Variants in RAD51B observed in about 807,000 individuals in gnomAD.
RAD51B encodes DNA repair protein RAD51 homolog 2.
A neutral mutation model predicts 42.2 loss-of-function variants in RAD51B; 38 were observed. The ratio of observed to expected loss-of-function variants is 0.90; its 90% confidence interval spans 0.70 to 1.18. RAD51B has a LOEUF of 1.18. Ranked by LOEUF, RAD51B falls within the 50% of genes most tolerant of loss-of-function variation. The pLI is 0.00. For synonymous variants in RAD51B, 154 were observed against 145.2 expected, an observed-to-expected ratio of 1.06 and a Z score of -0.43; for missense variants, 373 against 400.7, an observed-to-expected ratio of 0.93 and a Z score of 0.59.
chr14:68,249,576 A>G (rs2080575718), intron 7 of RAD51B, among the ~76,000 whole-genome samples: 1 of 152,218 alleles, frequency 6.6e-6, no homozygotes, highest in African/African-American at 2.4e-5. Context: ...TCAGGAACCC[A>G]CTTGTTATAT....
At chr14:67,954,732 G>T (rs777610221) in intron 7 of RAD51B, among the ~76,000 whole-genome samples, 1 of 152,162 alleles carries the variant, frequency 6.6e-6, no homozygotes, top group African/African-American at 2.4e-5. Flanking sequence ...AGGATCACTA[G>T]GGTCAAGGGA....
chr14:68,123,125 C>T (rs1279915827), intron 7 of RAD51B, among the ~76,000 whole-genome samples: 1 of 151,846 alleles, frequency 6.6e-6, no homozygotes, highest in African/African-American at 2.4e-5. Flanking sequence ...TTTGCCTGTT[C>T]CATAAAAATA....
rs10641411 is a variant in RAD51B, at chr14:68,275,794, C to CCACACACACACA, written c.757-16054_757-16043dup. On this transcript the variant is annotated intron_variant, in intron 7 of 10. Coordinates refer to ENST00000471583, the MANE Select transcript of RAD51B (RefSeq NM_133510.4). ...CTAAATACAGTTTGAAACTAGCTCT[C>CCACACACACACA]CACACACACACACACACACACACAC... Among the ~76,000 whole-genome samples the CCACACACACACA allele has an allele frequency of 6.6e-3, 930 of 141,340 alleles. 4 individuals are homozygous for CCACACACACACA. The highest frequency in any genetic ancestry group is 0.017 in the African/African-American group (651 of 37,656). The allele number at this position is 141,340 out of a possible 152,430, so 92.7% of individuals were successfully genotyped here.
At chr14:68,425,353 T>C (rs983499338) in intron 9 of RAD51B, among the ~76,000 whole-genome samples, 1 of 152,260 alleles carries the variant, frequency 6.6e-6, no homozygotes, top group African/African-American at 2.4e-5. Context: ...TTAATGGCCA[T>C]TATAAACTAT....
chr14:68,338,529 G>A (rs991521800), intron 8 of RAD51B, among the ~76,000 whole-genome samples: 7 of 152,176 alleles, frequency 4.6e-5, no homozygotes, highest in African/African-American at 1.7e-4. Context: ...TGGCACAGGT[G>A]ATATGTCTGC....
intron 7 of RAD51B, among the ~76,000 whole-genome samples, chr14:68,025,177 C>T (rs941479428): frequency 6.6e-6 from 1 of 152,090 alleles, no homozygotes; most frequent in African/African-American, 2.4e-5. Context: ...GCTAGCCTTG[C>T]ATCTCAGGAA....
At chr14:68,616,667 G>A (rs1287346188) in intron 10 of RAD51B, among the ~76,000 whole-genome samples, 3 of 152,010 alleles carry the variant, frequency 2.0e-5, no homozygotes, top group Non-Finnish European at 4.4e-5. Flanking sequence ...CTTGATTTTT[G>A]TCAAAAATTT....
Position 67,870,985 on chromosome 14 carries a change from GA to G in RAD51B, c.452+5849del, listed in dbSNP as rs1272182061. Among the ~76,000 whole-genome samples, 8 of 151,070 alleles carry G rather than the reference GA, an allele frequency of 5.3e-5. No homozygotes were observed. In the East Asian group the frequency reaches 1.4e-3, roughly 26 times the overall value. ...ACTAAATGCCCACAAGAGAAAGCAGGAAAGATCCAAAATTGACAGCCTAACA... is the reference window on the plus strand; with the variant it reads ...ACTAAATGCCCACAAGAGAAAGCAGGAAGATCCAAAATTGACAGCCTAACA... On this transcript the variant is annotated intron_variant, in intron 5 of 10. Transcript: ENST00000471583.
intron 8 of RAD51B, among the ~76,000 whole-genome samples, chr14:68,299,627 A>G (rs1330129214): frequency 3.3e-5 from 5 of 152,294 alleles, no homozygotes; most frequent in African/African-American, 1.2e-4. Flanking sequence ...CTGAGGGACA[A>G]CTGTATTAAT....
chr14:68,637,321 C>T (rs1892361309), intron 10 of RAD51B, among the ~76,000 whole-genome samples: 1 of 152,198 alleles, frequency 6.6e-6, no homozygotes, highest in South Asian at 2.1e-4. Flanking sequence ...TCAAGCGATC[C>T]TCCCACTTTA....
intron 7 of RAD51B, among the ~76,000 whole-genome samples, chr14:68,267,016 A>G (rs1444432378): frequency 1.3e-5 from 2 of 152,348 alleles, no homozygotes; most frequent in Middle Eastern, 3.4e-3. Flanking sequence ...AATCAGCTCT[A>G]AAGTCGGAGA....
intron 8 of RAD51B, among the ~76,000 whole-genome samples, chr14:68,388,196 C>T (rs1486860904): frequency 6.6e-6 from 1 of 151,494 alleles, no homozygotes; most frequent in Non-Finnish European, 1.5e-5. Flanking sequence ...CTGGTTCAAG[C>T]GATTCTCCCA....
chr14:67,901,092 C>G (rs2043596968), intron 7 of RAD51B, among the ~76,000 whole-genome samples: 1 of 152,174 alleles, frequency 6.6e-6, no homozygotes, highest in African/African-American at 2.4e-5. Flanking sequence ...GGACTGAGTT[C>G]TGGGTCTTTT....
At chr14:68,585,817 T>C (rs565724373) in intron 10 of RAD51B, among the ~76,000 whole-genome samples, 3 of 152,162 alleles carry the variant, frequency 2.0e-5, no homozygotes, top group Admixed American at 6.5e-5. Context: ...CTGTTTCTGG[T>C]AGAGATTTTA....
intron 7 of RAD51B, among the ~76,000 whole-genome samples, chr14:68,266,125 A>T (rs908543333): frequency 6.6e-6 from 1 of 152,228 alleles, no homozygotes. Flanking sequence ...CTGTTTGGGC[A>T]CCAGGAGCTG....
chr14:68,297,968 C>T (rs925649019), intron 8 of RAD51B, among the ~76,000 whole-genome samples: 1 of 152,056 alleles, frequency 6.6e-6, no homozygotes, highest in Non-Finnish European at 1.5e-5. Flanking sequence ...GTTTCCAAAG[C>T]CATAGACTAT....
chr14:68,461,000 C>A (rs527578119), intron 9 of RAD51B, among the ~76,000 whole-genome samples: 1 of 152,166 alleles, frequency 6.6e-6, no homozygotes, highest in East Asian at 1.9e-4. Flanking sequence ...ACGTATATAG[C>A]ACCACACTAG....
chr14:67,935,358 AC>A (rs2044898916), intron 7 of RAD51B, among the ~76,000 whole-genome samples: 1 of 152,318 alleles, frequency 6.6e-6, no homozygotes, highest in African/African-American at 2.4e-5. Flanking sequence ...TTCTACAAAT[AC>A]AACTCTTAAA....
chr14:67,902,849 A>G (rs1390699476), intron 7 of RAD51B, among the ~76,000 whole-genome samples: 2 of 151,760 alleles, frequency 1.3e-5, no homozygotes, highest in South Asian at 2.1e-4. Flanking sequence ...CACCTTTGAG[A>G]AAACTTCTTT....
Sources: gnomAD v4.1 joint callset for allele counts (sites outside exome capture counted in the v4.1 genomes callset) on GRCh38, gnomAD v4.1.1 for gene constraint, MANE v1.5 for transcripts, NCBI Gene and HGNC (gene_info 2026-07-23, HGNC 2026-07-21) for gene names.